The following CELF2 variants were observed in gnomAD, a reference collection of about 807,000 sequenced individuals.
CELF2 encodes the protein CUGBP Elav-like family member 2, also known as CUG triplet repeat RNA-binding protein 2.
Under a neutral mutation model 62.6 loss-of-function variants are expected in CELF2, and 8 were observed. The observed-to-expected ratio is 0.13, with a 90% CI of 0.07 to 0.23. The LOEUF (loss-of-function observed/expected upper bound fraction) is 0.23, where lower values mean the gene tolerates loss of function less well. CELF2 is among the 10% of genes least tolerant of loss of function. CELF2 has a pLI of 1.00. For missense variants in CELF2, 333 were observed against 671.0 expected, an observed-to-expected ratio of 0.50 and a Z score of 5.56; for synonymous variants, 258 against 250.0, an observed-to-expected ratio of 1.03 and a Z score of -0.30.
At chr10:11,049,581 AAT>A (rs1554799551) in intron 1 of CELF2, among the ~76,000 whole-genome samples, 4 of 146,950 alleles carry the variant, frequency 2.7e-5, no homozygotes, top group African/African-American at 1.0e-4. Flanking sequence ...AAAAAAAAAA[AAT>A]ACTAATTTTT....
the CELF2 span, among the ~76,000 whole-genome samples, chr10:10,767,930 A>G: frequency 9.3e-5 from 11 of 117,848 alleles, no homozygotes; most frequent in South Asian, 3.6e-3. Context: ...CGGGAGGCGG[A>G]GCTTGCAGTG....
rs1043944622 is a variant in CELF2, at chr10:11,290,088, C to T, written c.976+1536C>T. Reference sequence around the variant, plus strand: ...AGAAGCCAAATGCAGAAGCAGCTGTCGGCTGATTGGTGTAGCTAAGATAAC... The same window carrying T: ...AGAAGCCAAATGCAGAAGCAGCTGTTGGCTGATTGGTGTAGCTAAGATAAC... On this transcript the variant is annotated intron_variant, in intron 9 of 12. Transcript: ENST00000633077. The surrounding 1 kb of genome is among the most constrained non-coding windows in gnomAD (Gnocchi z 4.3). Among the ~76,000 whole-genome samples the T allele has an allele frequency of 1.3e-5, 2 of 152,150 alleles. No homozygotes were observed. The highest frequency in any genetic ancestry group is 2.4e-5 in the African/African-American group (1 of 41,416).
chr10:10,466,749 C>T, the CELF2 span, among the ~76,000 whole-genome samples: 10 of 152,200 alleles, frequency 6.6e-5, no homozygotes, highest in East Asian at 7.7e-4. Flanking sequence ...GCCATTCCAA[C>T]GGGTATGTAG....
chr10:10,850,105 C>T (rs1056376593), intron 1 of CELF2, among the ~76,000 whole-genome samples: 11 of 152,114 alleles, frequency 7.2e-5, no homozygotes, highest in African/African-American at 2.2e-4. Context: ...GCTGAGATCA[C>T]GCCACTGTAC....
chr10:10,690,607 C>G, the CELF2 span, among the ~76,000 whole-genome samples: 1 of 152,174 alleles, frequency 6.6e-6, no homozygotes, highest in Non-Finnish European at 1.5e-5. Flanking sequence ...TGGTTGGGCA[C>G]AGTGGTGCAT....
the CELF2 span, among the ~76,000 whole-genome samples, chr10:10,554,826 C>T: frequency 2.0e-5 from 3 of 152,188 alleles, no homozygotes; most frequent in Admixed American, 6.5e-5. Flanking sequence ...CTTCCAACCA[C>T]ATTGCAATGC....
At chr10:10,906,275 G>A (rs558604541) in intron 1 of CELF2, among the ~76,000 whole-genome samples, 1 of 152,142 alleles carries the variant, frequency 6.6e-6, no homozygotes, top group South Asian at 2.1e-4. Context: ...AGTCATTCAG[G>A]TGATAAAATT....
At position 10,947,357 on chromosome 10, in the gene CELF2, T is replaced by G; in HGVS notation, c.89+27358T>G. On this transcript the variant is annotated intron_variant, in intron 2 of 13. Transcript: ENST00000636488. The surrounding 1 kb of genome is among the most constrained non-coding windows in gnomAD (Gnocchi z 4.1). ...AGATGGGAGGCAGGGTTATTTACCA[T>G]TTTACTCTCCCTCCCTGTTCACCAT... 1 of 152,738 alleles carries G rather than the reference T, an allele frequency of 6.5e-6. No individual in the cohort carries two copies. The highest frequency in any genetic ancestry group is 1.9e-4 in the East Asian group (1 of 5,186). The allele number at this position is 152,738 out of a possible 1,614,324, so 9.5% of individuals were successfully genotyped here.
At chr10:10,665,051 G>A in the CELF2 span, among the ~76,000 whole-genome samples, 1 of 152,154 alleles carries the variant, frequency 6.6e-6, no homozygotes, top group African/African-American at 2.4e-5. Flanking sequence ...ATGTAGTGTT[G>A]CCTTCTTTGG....
At chr10:10,638,462 T>C in the CELF2 span, among the ~76,000 whole-genome samples, 1 of 152,212 alleles carries the variant, frequency 6.6e-6, no homozygotes, top group East Asian at 1.9e-4. Flanking sequence ...AGCTAGTCCA[T>C]ACAGTATCTA....
In CELF2 at chr10:11,217,605, C is replaced by T. The variant is rs958888489; in HGVS notation, c.354+98C>T. 3.3e-6 allele frequency: 3 copies of T among 897,938 alleles called. No individual in the cohort carries two copies. Among genetic ancestry groups the T allele is most frequent in the African/African-American group, 3.4e-5 (2 of 59,280 alleles). The allele number at this position is 897,938 out of a possible 1,614,324, so 55.6% of individuals were successfully genotyped here. On this transcript the variant is annotated intron_variant, in intron 3 of 12. Transcript: ENST00000633077. This position sits in a 1 kb window ranked among gnomAD's most constrained non-coding sequence, Gnocchi z 5.6. ...TATGGGCTCTTAGTGCCAAAAATGA[C>T]TTTGGTCTTTTGAGGAGTGTGTGCT... is the stretch of plus-strand genomic sequence containing the variant.
chr10:11,182,581 GA>G (rs1223454694), intron 2 of CELF2, among the ~76,000 whole-genome samples: 11 of 152,170 alleles, frequency 7.2e-5, no homozygotes, highest in African/African-American at 2.7e-4. Flanking sequence ...TATTTTTGGG[GA>G]TCAGAGAAGA....
At chr10:10,726,674 G>T in the CELF2 span, among the ~76,000 whole-genome samples, 2 of 152,070 alleles carry the variant, frequency 1.3e-5, no homozygotes, top group Non-Finnish European at 2.9e-5. Flanking sequence ...TGTTTACTTT[G>T]GGGGGAAAAT....
In CELF2 at chr10:11,331,345, GA is replaced by G. The variant is rs35204802; in HGVS notation, c.*2304del. ...TGCTTAAAAAAAATTTCATGTGAGG[GA>G]AAAAAAAAAAACCTATTCCAGAATA... On this transcript the variant is annotated 3_prime_UTR_variant, in exon 13 of 13. Coordinates refer to ENST00000633077, the MANE Select transcript of CELF2 (RefSeq NM_001326342.2). 5.7e-3 allele frequency: 770 copies of G among 136,154 alleles called. 5 individuals carry two copies. Among genetic ancestry groups the G allele is most frequent in the African/African-American group, 0.016 (597 of 37,090 alleles). 8.4% of individuals were successfully genotyped at this position (136,154 alleles called of 1,614,324 possible).
At chr10:10,640,372 C>T in the CELF2 span, among the ~76,000 whole-genome samples, 2 of 152,204 alleles carry the variant, frequency 1.3e-5, no homozygotes, top group East Asian at 1.9e-4. Flanking sequence ...CCCCCAAGCA[C>T]TACTCCCTTC....
intron 1 of CELF2, among the ~76,000 whole-genome samples, chr10:10,888,688 G>A (rs542388674): frequency 1.4e-4 from 22 of 152,088 alleles, no homozygotes; most frequent in Non-Finnish European, 2.5e-4. Flanking sequence ...CCATGCCTTC[G>A]CCTGATCTGT....
Position 11,165,312 on chromosome 10 carries a change from C to T in CELF2, c.75-174C>T, listed in dbSNP as rs1235997231. 4 of 1,412,370 alleles carry T rather than the reference C, an allele frequency of 2.8e-6. No individual in the cohort carries two copies. The highest frequency in any genetic ancestry group is 1.5e-5 in the African/African-American group (1 of 68,318). The allele number at this position is 1,412,370 out of a possible 1,614,324, so 87.5% of individuals were successfully genotyped here. ...GAGCCTCGCCGCCGCCGAGGAGCAA[C>T]TCATGGTGCCTCCGCTTTGTTTTAG... is the stretch of plus-strand genomic sequence containing the variant. On this transcript the variant is annotated intron_variant, in intron 1 of 12. Transcript: ENST00000633077. The surrounding 1 kb of genome is among the most constrained non-coding windows in gnomAD (Gnocchi z 7.4).
chr10:11,128,815 G>C (rs533061700), intron 1 of CELF2, among the ~76,000 whole-genome samples: 2 of 151,990 alleles, frequency 1.3e-5, no homozygotes, highest in Non-Finnish European at 2.9e-5. Context: ...CAATCATGTC[G>C]TCTGCAAACA....
At chr10:10,566,593 A>G in the CELF2 span, among the ~76,000 whole-genome samples, 2 of 114,190 alleles carry the variant, frequency 1.8e-5, no homozygotes, top group Admixed American at 2.3e-4. Flanking sequence ...CACAGTCCCC[A>G]GAGTGTGATA....
Sources: gnomAD v4.1 joint callset for allele counts (sites outside exome capture counted in the v4.1 genomes callset) on GRCh38, gnomAD v4.1.1 for gene constraint, Gnocchi (gnomAD v3.1) non-coding constraint, MANE v1.5 for transcripts, NCBI Gene and HGNC (gene_info 2026-07-23, HGNC 2026-07-21) for gene names.